LRTM1: variants seen among roughly 807,000 people sequenced by gnomAD.
The protein encoded by LRTM1 is leucine-rich repeat and transmembrane domain-containing protein 1.
A neutral mutation model predicts 32.4 loss-of-function variants in LRTM1; 38 were observed. That is an observed-to-expected ratio of 1.17 (90% CI 0.91 to 1.54). The LOEUF (loss-of-function observed/expected upper bound fraction) is 1.54, where lower values mean the gene tolerates loss of function less well. Among genes scored for constraint, LRTM1 ranks in the 40% most tolerant of loss-of-function variants. The pLI, the probability that LRTM1 is intolerant of heterozygous loss-of-function variation, is 0.00. For missense variants in LRTM1, 466 were observed against 415.4 expected, an observed-to-expected ratio of 1.12 and a Z score of -1.06; for synonymous variants, 186 against 169.9, an observed-to-expected ratio of 1.09 and a Z score of -0.74.
At chr3:54,950,400 C>G (rs115856503) in intron 1 of LRTM1, among the ~76,000 whole-genome samples, 1,946 of 152,288 alleles carry the variant, frequency 0.013, 39 homozygotes, top group African/African-American at 0.044. Context: ...TTGCAACCCC[C>G]TCCTCATTTT....
At chr3:54,962,667 T>G (rs1292027605) in intron 1 of LRTM1, among the ~76,000 whole-genome samples, 1 of 152,158 alleles carries the variant, frequency 6.6e-6, no homozygotes, top group African/African-American at 2.4e-5. Flanking sequence ...GGGTTTGCAA[T>G]CAGTTCTCGC....
intron 1 of LRTM1, among the ~76,000 whole-genome samples, chr3:54,959,255 T>C (rs1001312072): frequency 1.8e-4 from 27 of 152,296 alleles, no homozygotes; most frequent in African/African-American, 6.0e-4. Context: ...TGGTGTTCAG[T>C]TCACCACAGT....
intron 2 of LRTM1, among the ~76,000 whole-genome samples, 195 bp downstream of exon 2, chr3:54,924,424 A>G (rs1700950076): frequency 1.3e-5 from 2 of 152,214 alleles, no homozygotes; most frequent in African/African-American, 2.4e-5. Flanking sequence ...TTGTAGATTA[A>G]TTTCGAACCT....
chr3:54,960,344 C>T (rs1702001231), intron 1 of LRTM1, among the ~76,000 whole-genome samples: 1 of 152,070 alleles, frequency 6.6e-6, no homozygotes, highest in Non-Finnish European at 1.5e-5. Flanking sequence ...AGATTACCAA[C>T]CCCCCATACC....
chr3:54,949,329 A>T (rs1013832468), intron 1 of LRTM1, among the ~76,000 whole-genome samples: 1 of 152,142 alleles, frequency 6.6e-6, no homozygotes. Context: ...AGGTGTGGAT[A>T]AGGAGGGAGG....
At chr3:54,930,001 G>T (rs1052499171), upstream of LRTM1, among the ~76,000 whole-genome samples, 3 of 152,174 alleles carry the variant, frequency 2.0e-5, no homozygotes, top group Non-Finnish European at 2.9e-5. Flanking sequence ...GTGAAGGCCA[G>T]ATAGTAAACA....
chr3:54,924,694 G>A lies in LRTM1; in HGVS notation c.529C>T (p.Leu177Phe), dbSNP rs145632656. The change falls in exon 2 of 3, where the codon CTC (leucine) becomes TTC (phenylalanine). Residue 177 changes from leucine (L) to phenylalanine (F), a missense_variant. By Grantham distance (22) the Leu-to-Phe change is conservative (BLOSUM62 0). Coordinates refer to ENST00000273286, the MANE Select transcript of LRTM1 (RefSeq NM_020678.4). ...ESMPSVRLLL[L>F]KDNLWKCNCH... ...TTGCATTTCCAGAGGTTGTCCTTGAGAAGTAAAAGCCTCACACTGGGCATG... is the reference window on the plus strand; with the variant it reads ...TTGCATTTCCAGAGGTTGTCCTTGAAAAGTAAAAGCCTCACACTGGGCATG... The A allele has an allele frequency of 1.2e-6, 2 of 1,614,136 alleles. No homozygotes were observed. The highest frequency in any genetic ancestry group is 2.2e-5 in the East Asian group (1 of 44,860).
At chr3:54,953,461 A>G (rs1439369001) in intron 1 of LRTM1, among the ~76,000 whole-genome samples, 1 of 152,210 alleles carries the variant, frequency 6.6e-6, no homozygotes, top group East Asian at 1.9e-4. Flanking sequence ...CACTGGGCCA[A>G]GATCATGGGA....
chr3:54,932,505 A>G (rs1437588186), upstream of LRTM1, among the ~76,000 whole-genome samples: 2 of 152,228 alleles, frequency 1.3e-5, no homozygotes, highest in Non-Finnish European at 2.9e-5. Context: ...ACAAAAATTA[A>G]GAAGCAAGTA....
At chr3:54,945,276 T>C (rs994751231) in intron 1 of LRTM1, among the ~76,000 whole-genome samples, 2 of 152,212 alleles carry the variant, frequency 1.3e-5, no homozygotes, top group Admixed American at 6.5e-5. Flanking sequence ...CTGCTAGTAT[T>C]GTGCCCTCCA....
chr3:54,954,505 G>T (rs986967168), intron 1 of LRTM1, among the ~76,000 whole-genome samples: 1 of 152,220 alleles, frequency 6.6e-6, no homozygotes, highest in Non-Finnish European at 1.5e-5. Context: ...AGACATCAGG[G>T]TGCATATCTT....
At chr3:54,957,049 C>T (rs757492227) in intron 1 of LRTM1, among the ~76,000 whole-genome samples, 13 of 152,084 alleles carry the variant, frequency 8.5e-5, no homozygotes, top group Non-Finnish European at 1.3e-4. Context: ...TTTTAAGCTT[C>T]TAGCAGACAC....
upstream of LRTM1, among the ~76,000 whole-genome samples, chr3:54,929,847 C>A (rs1255705995): frequency 1.3e-5 from 2 of 152,120 alleles, no homozygotes; most frequent in African/African-American, 4.8e-5. Flanking sequence ...CCATCAATGG[C>A]CCCCATTAGC....
chr3:54,926,588 A>G (rs1701028544), intron 1 of LRTM1, among the ~76,000 whole-genome samples: 1 of 152,138 alleles, frequency 6.6e-6, no homozygotes, highest in Non-Finnish European at 1.5e-5. Context: ...AAATCCAGAT[A>G]AATGTAATCA....
At chr3:54,962,790 A>G (rs1207573780) in intron 1 of LRTM1, among the ~76,000 whole-genome samples, 1 of 152,134 alleles carries the variant, frequency 6.6e-6, no homozygotes, top group Non-Finnish European at 1.5e-5. Context: ...GGGCTGGGCA[A>G]ATGGAAGTAG....
chr3:54,930,964 T>C (rs1359262148), upstream of LRTM1, among the ~76,000 whole-genome samples: 2 of 152,066 alleles, frequency 1.3e-5, no homozygotes, highest in African/African-American at 4.8e-5. Flanking sequence ...GGCGTGATGG[T>C]GGCCTTCTGT....
chr3:54,957,155 A>G (rs1240738815), intron 1 of LRTM1, among the ~76,000 whole-genome samples: 1 of 109,736 alleles, frequency 9.1e-6, no homozygotes, highest in African/African-American at 3.4e-5. Flanking sequence ...ATCAAGTTAT[A>G]AAATAATTTT....
chr3:54,965,067 A>C (rs1702118339), intron 1 of LRTM1, among the ~76,000 whole-genome samples: 2 of 152,206 alleles, frequency 1.3e-5, no homozygotes, highest in Non-Finnish European at 1.5e-5. Flanking sequence ...CTTTTTCTGT[A>C]AAGGACCAAT....
In LRTM1 at chr3:54,918,380, A is replaced by G. The variant is rs1700724838; in HGVS notation, c.*79T>C. On this transcript the variant is annotated 3_prime_UTR_variant, in exon 3 of 3. Coordinates refer to ENST00000273286, the MANE Select transcript of LRTM1 (RefSeq NM_020678.4). ...TGTCTTTTGGCAAAAGCAAAATCAGACTAACAGGAAACACATCAGCCCTAC... is the reference window on the plus strand; with the variant it reads ...TGTCTTTTGGCAAAAGCAAAATCAGGCTAACAGGAAACACATCAGCCCTAC... 3 of 969,382 alleles carry G rather than the reference A, an allele frequency of 3.1e-6. No homozygotes were observed. The South Asian group carries it at 9.1e-5, about 29-fold the overall frequency. The allele number at this position is 969,382 out of a possible 1,614,324, so 60.0% of individuals were successfully genotyped here.
Sources: gnomAD v4.1 joint callset for allele counts (sites outside exome capture counted in the v4.1 genomes callset) on GRCh38, gnomAD v4.1.1 for gene constraint, MANE v1.5 for transcripts, NCBI Gene and HGNC (gene_info 2026-07-23, HGNC 2026-07-21) for gene names.